The following CTNND2 variants were observed in gnomAD, a reference collection of about 807,000 sequenced individuals.
CTNND2 encodes catenin delta-2.
In CTNND2, 22 loss-of-function variants were observed where a neutral mutation model predicts 144.4. That is an observed-to-expected ratio of 0.15 (90% CI 0.11 to 0.22). CTNND2 has a LOEUF of 0.22. Ranked by LOEUF, CTNND2 falls within the 10% of genes least tolerant of loss-of-function variation. The probability of loss-of-function intolerance (pLI) is 1.00; values close to 1 mark genes in which losing one functional copy is unlikely to be tolerated. For missense variants in CTNND2, 1,353 were observed against 1,618.8 expected, an observed-to-expected ratio of 0.84 and a Z score of 2.82; for synonymous variants, 751 against 695.6, an observed-to-expected ratio of 1.08 and a Z score of -1.25.
chr5:11,354,949 G>T (rs1755703873), intron 8 of CTNND2, among the ~76,000 whole-genome samples: 1 of 152,014 alleles, frequency 6.6e-6, no homozygotes, highest in Non-Finnish European at 1.5e-5. Flanking sequence ...AAAAACTTTG[G>T]AAACTTTACA....
At chr5:11,083,223 T>C (rs1486620963) in intron 15 of CTNND2, among the ~76,000 whole-genome samples, 3 of 152,090 alleles carry the variant, frequency 2.0e-5, no homozygotes, top group South Asian at 2.1e-4. Flanking sequence ...CCTGAAAAAG[T>C]AGAAAATGAG....
At chr5:11,162,374 A>G (rs1277266332) in intron 11 of CTNND2, among the ~76,000 whole-genome samples, 7 of 152,198 alleles carry the variant, frequency 4.6e-5, no homozygotes, top group Non-Finnish European at 1.0e-4. Flanking sequence ...ATGGAAAGGC[A>G]GATGCAGTCT....
At chr5:11,463,926 T>C (rs1298560228) in intron 3 of CTNND2, among the ~76,000 whole-genome samples, 1 of 152,032 alleles carries the variant, frequency 6.6e-6, no homozygotes, top group Non-Finnish European at 1.5e-5. Flanking sequence ...TCTCAAGTGA[T>C]TAGTGAGGCA....
At chr5:11,835,112 T>C (rs1794105566) in intron 1 of CTNND2, among the ~76,000 whole-genome samples, 1 of 152,218 alleles carries the variant, frequency 6.6e-6, no homozygotes, top group Non-Finnish European at 1.5e-5. Context: ...CACTCCAGCC[T>C]GAGCAACAGA....
Position 11,902,789 on chromosome 5 carries a change from GA to G in CTNND2, c.37+1027del, listed in dbSNP as rs200399689. 6.0e-5 allele frequency among the ~76,000 whole-genome samples: 9 copies of G among 149,840 alleles called. No individual in the cohort carries two copies. The East Asian group carries it at 1.6e-3, about 26-fold the overall frequency. On this transcript the variant is annotated intron_variant, in intron 1 of 21. Coordinates refer to ENST00000304623, the MANE Select transcript of CTNND2 (RefSeq NM_001332.4). ...AAATGAGGCACACAAGAAAAGAAAAGAAAAAAAAACACCTTGGAAACACAAC... is the reference window on the plus strand; with the variant it reads ...AAATGAGGCACACAAGAAAAGAAAAGAAAAAAAACACCTTGGAAACACAAC...
At chr5:10,992,374 G>A (rs866028002) in intron 19 of CTNND2, among the ~76,000 whole-genome samples, 177 bp downstream of exon 19, 4 of 152,242 alleles carry the variant, frequency 2.6e-5, no homozygotes, top group Non-Finnish European at 4.4e-5. Flanking sequence ...CTCTGAGTCT[G>A]TGTATACAAA....
intron 1 of CTNND2, among the ~76,000 whole-genome samples, chr5:11,751,956 A>G (rs1788648290): frequency 6.6e-6 from 1 of 151,744 alleles, no homozygotes; most frequent in East Asian, 1.9e-4. Flanking sequence ...GCATTGTTCT[A>G]ATGATTCATG....
intron 9 of CTNND2, among the ~76,000 whole-genome samples, chr5:11,301,802 C>G (rs1749637152): frequency 6.6e-6 from 1 of 152,056 alleles, no homozygotes; most frequent in Admixed American, 6.5e-5. Context: ...TTCTTTTTTG[C>G]CCCCTCCCAC....
At chr5:11,665,602 G>A (rs1216394320) in intron 2 of CTNND2, among the ~76,000 whole-genome samples, 1 of 152,138 alleles carries the variant, frequency 6.6e-6, no homozygotes. Flanking sequence ...TTCAAGCATG[G>A]CTACTTCCCA....
In CTNND2 at chr5:11,422,255, G is replaced by A. The variant is rs149532352; in HGVS notation, c.288-10186C>T. Reference sequence around the variant, plus strand: ...GCTAAAATGGAGAAGAAACAAAGCAGTCTGTGATTTATAAAAAAAGATGAT... The same window carrying A: ...GCTAAAATGGAGAAGAAACAAAGCAATCTGTGATTTATAAAAAAAGATGAT... On this transcript the variant is annotated intron_variant, in intron 3 of 21. Coordinates refer to ENST00000304623, the MANE Select transcript of CTNND2 (RefSeq NM_001332.4). 7.5e-4 allele frequency among the ~76,000 whole-genome samples: 114 copies of A among 152,216 alleles called. 1 individual carries two copies. The highest frequency in any genetic ancestry group is 2.6e-3 in the African/African-American group (106 of 41,514).
At chr5:11,408,942 A>C (rs561311743) in intron 5 of CTNND2, among the ~76,000 whole-genome samples, 1 of 152,088 alleles carries the variant, frequency 6.6e-6, no homozygotes, top group Non-Finnish European at 1.5e-5. Flanking sequence ...ATATTACTTT[A>C]TCTCTGCATT....
chr5:11,579,192 C>T (rs889820124), intron 2 of CTNND2, among the ~76,000 whole-genome samples: 11 of 148,182 alleles, frequency 7.4e-5, no homozygotes, highest in South Asian at 2.1e-4. Context: ...CTGCTGGGAA[C>T]GAATTAAGTA....
intron 16 of CTNND2, among the ~76,000 whole-genome samples, chr5:11,056,361 A>T (rs1746351920): frequency 6.6e-6 from 1 of 152,264 alleles, no homozygotes; most frequent in African/African-American, 2.4e-5. Context: ...AATGGAAATG[A>T]ATCTGGGAAA....
At chr5:11,116,939 A>C (rs2149693799) in intron 13 of CTNND2, among the ~76,000 whole-genome samples, 1 of 152,216 alleles carries the variant, frequency 6.6e-6, no homozygotes, top group African/African-American at 2.4e-5. Flanking sequence ...CACGCCTGTA[A>C]TCTTAGCTAC....
At chr5:11,159,332 C>T (rs1262352806) in intron 12 of CTNND2, among the ~76,000 whole-genome samples, 5 of 152,294 alleles carry the variant, frequency 3.3e-5, no homozygotes, top group Admixed American at 2.0e-4. Context: ...GTTTGTTTTT[C>T]ACCTTAGACC....
intron 16 of CTNND2, among the ~76,000 whole-genome samples, chr5:11,036,855 A>T (rs545977284): frequency 7.3e-4 from 111 of 152,316 alleles, no homozygotes; most frequent in Non-Finnish European, 1.5e-3. Context: ...ATTTGGTTTA[A>T]TACTATGTTG....
chr5:11,287,323 A>T (rs1336701909), intron 9 of CTNND2, among the ~76,000 whole-genome samples: 1 of 152,202 alleles, frequency 6.6e-6, no homozygotes, highest in Non-Finnish European at 1.5e-5. Context: ...CCACCTTAGA[A>T]GTAAAGGGGA....
chr5:11,563,595 T>C (rs1776842180), intron 3 of CTNND2, among the ~76,000 whole-genome samples: 2 of 152,318 alleles, frequency 1.3e-5, no homozygotes, highest in Admixed American at 6.5e-5. Context: ...TAATACACCA[T>C]GATGTACGTA....
At chr5:11,241,798 G>T (rs1423272018) in intron 9 of CTNND2, among the ~76,000 whole-genome samples, 1 of 152,204 alleles carries the variant, frequency 6.6e-6, no homozygotes, top group East Asian at 1.9e-4. Context: ...AGAATTCAGT[G>T]TATAGTATGG....
Sources: allele counts gnomAD v4.1 joint callset (sites outside exome capture counted in the v4.1 genomes callset), GRCh38; gene constraint gnomAD v4.1.1; transcripts MANE v1.5; gene names NCBI Gene and HGNC (gene_info 2026-07-23, HGNC 2026-07-21).